Variants in ARK2C observed in about 807,000 individuals in gnomAD.
ARK2C encodes arkadia (RNF111) C-terminal like ring finger ubiquitin ligase 2C, also known as E3 ubiquitin-protein ligase ARK2C.
the ARK2C span, among the ~76,000 whole-genome samples, chr18:46,380,820 G>C: frequency 6.6e-6 from 1 of 152,238 alleles, no homozygotes; most frequent in South Asian, 2.1e-4. Flanking sequence ...GCTAGGACCA[G>C]GTGCCCTTCC....
chr18:46,456,149 G>C, the ARK2C span: 1 of 937,126 alleles, frequency 1.1e-6, no homozygotes, highest in South Asian at 1.4e-5. Context: ...ACTGCACCGT[G>C]TGTCTGGGAG....
At chr18:46,423,274 G>A in the ARK2C span, among the ~76,000 whole-genome samples, 2 of 152,202 alleles carry the variant, frequency 1.3e-5, no homozygotes, top group African/African-American at 4.8e-5. Context: ...CTTAGTCTAG[G>A]GAGGAGGCCT....
chr18:46,354,261 C>G, the ARK2C span, among the ~76,000 whole-genome samples: 4 of 152,230 alleles, frequency 2.6e-5, no homozygotes, highest in African/African-American at 9.6e-5. Flanking sequence ...TGTAGGGGAG[C>G]TTTGCTAGGC....
At chr18:46,355,074 G>A in the ARK2C span, among the ~76,000 whole-genome samples, 8 of 151,882 alleles carry the variant, frequency 5.3e-5, no homozygotes, top group East Asian at 3.9e-4. Flanking sequence ...CTTAGCCTCC[G>A]GAGTAGCTAG....
the ARK2C span, among the ~76,000 whole-genome samples, chr18:46,430,516 G>C: frequency 6.6e-6 from 1 of 152,156 alleles, no homozygotes; most frequent in Non-Finnish European, 1.5e-5. Context: ...TCAGTTCTAG[G>C]AAACAGGCTT....
chr18:46,449,185 C>T, the ARK2C span, among the ~76,000 whole-genome samples: 1 of 152,132 alleles, frequency 6.6e-6, no homozygotes, highest in East Asian at 1.9e-4. Context: ...AAGTAACTGG[C>T]CCTGGGACAT....
chr18:46,375,857 G>A, the ARK2C span, among the ~76,000 whole-genome samples: 2 of 152,170 alleles, frequency 1.3e-5, no homozygotes, highest in African/African-American at 4.8e-5. Flanking sequence ...GGTTGATCAG[G>A]GTTCCAGGCC....
At chr18:46,413,633 C>G in the ARK2C span, among the ~76,000 whole-genome samples, 2 of 151,922 alleles carry the variant, frequency 1.3e-5, no homozygotes, top group African/African-American at 4.8e-5. Flanking sequence ...TTATTTGAGG[C>G]CCTGGGAACC....
At chr18:46,357,432 C>T in the ARK2C span, among the ~76,000 whole-genome samples, 1 of 152,184 alleles carries the variant, frequency 6.6e-6, no homozygotes, top group East Asian at 1.9e-4. Context: ...TGCTGAGGAT[C>T]AGAAATAAAG....
the ARK2C span, among the ~76,000 whole-genome samples, chr18:46,411,769 G>A: frequency 6.6e-6 from 1 of 152,202 alleles, no homozygotes; most frequent in South Asian, 2.1e-4. Flanking sequence ...GTGAACAAAA[G>A]GGGGACTCCA....
the ARK2C span, among the ~76,000 whole-genome samples, chr18:46,365,742 A>G: frequency 6.6e-6 from 1 of 152,028 alleles, no homozygotes; most frequent in Admixed American, 6.6e-5. Context: ...TGACTTCATG[A>G]TCTGCCTGCC....
chr18:46,394,800 T>C, the ARK2C span, among the ~76,000 whole-genome samples: 1 of 152,204 alleles, frequency 6.6e-6, no homozygotes. Flanking sequence ...TTCTGCAGGA[T>C]CCAAAGGCTT....
At chr18:46,405,179 A>G in the ARK2C span, among the ~76,000 whole-genome samples, 1 of 152,158 alleles carries the variant, frequency 6.6e-6, no homozygotes, top group Non-Finnish European at 1.5e-5. Context: ...TCTCTGGGAC[A>G]CAGGGAGGTC....
the ARK2C span, among the ~76,000 whole-genome samples, chr18:46,346,172 G>A: frequency 6.6e-6 from 1 of 152,162 alleles, no homozygotes; most frequent in East Asian, 1.9e-4. Flanking sequence ...ATCCTCAAGT[G>A]TGCCAGGCCT....
the ARK2C span, among the ~76,000 whole-genome samples, chr18:46,405,291 C>T: frequency 6.6e-6 from 1 of 152,086 alleles, no homozygotes; most frequent in Non-Finnish European, 1.5e-5. Context: ...CTGGGAGGTG[C>T]CCGTGGCCAG....
chr18:46,357,855 G>A, the ARK2C span, among the ~76,000 whole-genome samples: 2 of 152,330 alleles, frequency 1.3e-5, no homozygotes, highest in East Asian at 1.9e-4. Flanking sequence ...GGGGCCAGCC[G>A]TCTCCTCTGA....
At chr18:46,385,572 C>T in the ARK2C span, 1 of 152,152 alleles carries the variant, frequency 6.6e-6, no homozygotes, top group East Asian at 1.9e-4. Flanking sequence ...TAGGTAGAAG[C>T]AGGAACAAAA....
At chr18:46,337,233 AAAG>A in the ARK2C span, 6 of 985,402 alleles carry the variant, frequency 6.1e-6, no homozygotes, top group South Asian at 2.8e-4. Flanking sequence ...AAAGAAAAGA[AAAG>A]AAAAAAGAAT....
chr18:46,376,285 T>C, the ARK2C span, among the ~76,000 whole-genome samples: 2 of 152,212 alleles, frequency 1.3e-5, no homozygotes, highest in Non-Finnish European at 2.9e-5. Context: ...GTGTCAAGAA[T>C]CTCTATGAGG....
Sources: gnomAD v4.1 joint callset for allele counts (sites outside exome capture counted in the v4.1 genomes callset) on GRCh38, gnomAD v4.1.1 for gene constraint, MANE v1.5 for transcripts, NCBI Gene and HGNC (gene_info 2026-07-23, HGNC 2026-07-21) for gene names.